Variants in ZNF583 observed in about 807,000 individuals in gnomAD.
The protein encoded by ZNF583 is zinc finger protein 583.
A neutral mutation model predicts 55.3 loss-of-function variants in ZNF583; 30 were observed. The observed-to-expected ratio is 0.54, with a 90% CI of 0.41 to 0.74. The LOEUF (loss-of-function observed/expected upper bound fraction) is 0.74. Among genes scored for constraint, ZNF583 ranks in the 30% least tolerant of loss-of-function variants. The pLI is 0.00. For synonymous variants in ZNF583, 208 were observed against 220.0 expected (o/e 0.95, Z 0.48); for missense variants, 504 against 664.7 (o/e 0.76, Z 2.66).
chr19:56,409,928 A>T (rs1354781515), intron 2 of ZNF583, among the ~76,000 whole-genome samples: 6 of 150,992 alleles, frequency 4.0e-5, no homozygotes, highest in African/African-American at 1.5e-4. Flanking sequence ...CATAATTTTT[A>T]TTGTTCTTTT....
intron 4 of ZNF583, among the ~76,000 whole-genome samples, chr19:56,420,967 T>G (rs542063038): frequency 6.6e-6 from 1 of 152,192 alleles, no homozygotes; most frequent in African/African-American, 2.4e-5. Flanking sequence ...CTCTATCTTC[T>G]TTTGGGATGT....
At chr19:56,420,138 A>G (rs1461168685) in intron 4 of ZNF583, among the ~76,000 whole-genome samples, 1 of 152,142 alleles carries the variant, frequency 6.6e-6, no homozygotes, top group Non-Finnish European at 1.5e-5. Context: ...TTGTACTGTC[A>G]TTATCAACCA....
intron 1 of ZNF583, 59 bp from the exon 2 acceptor site, chr19:56,406,967 G>A: frequency 1.3e-6 from 1 of 757,880 alleles, no homozygotes; most frequent in Non-Finnish European, 2.1e-6. Context: ...TTTCTAGGCT[G>A]ATGATACTGA....
At chr19:56,411,347 T>C (rs1600358016) in intron 2 of ZNF583, among the ~76,000 whole-genome samples, 1 of 152,220 alleles carries the variant, frequency 6.6e-6, no homozygotes, top group Middle Eastern at 3.4e-3. Flanking sequence ...GTAGAAATAC[T>C]GGAAAGTATA....
chr19:56,423,569 C>A lies in ZNF583; in HGVS notation c.911C>A (p.Ala304Asp). ...TATCAGTGTAAAGAATGTAAAAAAG[C>A]CTTCAGCCAGATTGCACACCTGACT... The part of the protein sequence containing the change: ...KPYQCKECKK[A>D]FSQIAHLTQH... The change falls in exon 5 of 5, where the codon GCC becomes GAC. Residue 304 changes from alanine (A) to aspartate (D), a missense_variant. By Grantham distance (126) the Ala-to-Asp change is moderately radical. Transcript: ENST00000333201. 6.2e-7 allele frequency: 1 copy of A among 1,613,516 alleles called. No homozygotes were observed. Among genetic ancestry groups the A allele is most frequent in the Non-Finnish European group, 8.5e-7 (1 of 1,179,908 alleles).
chr19:56,416,320 G>C (rs138449470), intron 4 of ZNF583, among the ~76,000 whole-genome samples: 1 of 128,418 alleles, frequency 7.8e-6, no homozygotes, highest in Non-Finnish European at 1.6e-5. Flanking sequence ...GTGAGACTCC[G>C]TCTCAAAAAA....
chr19:56,424,352 T>C lies in ZNF583; in HGVS notation c.1694T>C (p.Val565Ala). 1.4e-6 allele frequency: 2 copies of C among 1,457,794 alleles called. No homozygotes were observed. The highest frequency in any genetic ancestry group is 1.1e-5 in the South Asian group (1 of 87,276). The allele number at this position is 1,457,794 out of a possible 1,614,324, so 90.3% of individuals were successfully genotyped here. The part of the protein sequence containing the change: ...PSTSNQLPRP[V>A]GFIS ...ACATCAAATCAGTTGCCAAGACCTG[T>C]AGGTTTCATCTCCTGAATATTTCTG... The change falls in exon 5 of 5, where the codon GTA becomes GCA. Residue 565 changes from valine to alanine, a missense_variant. Around this residue, in one of 3 missense-constraint regions of ZNF583, gnomAD observed 63 missense variants for 56.5 expected, o/e 1.11. Coordinates refer to ENST00000333201, the MANE Select transcript of ZNF583 (RefSeq NM_152478.3).
Position 56,404,392 on chromosome 19 carries a change from T to TCC in ZNF583, c.-150_-149insCC, listed in dbSNP as rs2042111871. 6.6e-6 allele frequency: 1 copy of TCC among 152,322 alleles called. No individual in the cohort carries two copies. The highest frequency in any genetic ancestry group is 2.4e-5 in the African/African-American group (1 of 41,376). 9.4% of individuals were successfully genotyped at this position (152,322 alleles called of 1,614,324 possible). A position where few individuals can be genotyped will look rare whatever the true frequency, so the allele number is the denominator to read the frequency against. On this transcript the variant is annotated 5_prime_UTR_variant, in exon 1 of 5. Coordinates refer to ENST00000333201, the MANE Select transcript of ZNF583 (RefSeq NM_152478.3). This position sits in a 1 kb window ranked among gnomAD's most constrained non-coding sequence, Gnocchi z 5.2. ...CAGGATCGAGCCCTGGCCCGGGCCC[T>TCC]GGCCCAGCCCCGGCCTCCAAGGACC...
At chr19:56,412,080 C>G (rs1317386845) in intron 2 of ZNF583, among the ~76,000 whole-genome samples, 1 of 152,188 alleles carries the variant, frequency 6.6e-6, no homozygotes, top group African/African-American at 2.4e-5. Flanking sequence ...CCATGCTGGG[C>G]ATTAATCTTC....
At position 56,414,332 on chromosome 19, in the gene ZNF583, T is replaced by C; in HGVS notation, c.137-13T>C. 1.2e-6 allele frequency: 2 copies of C among 1,614,048 alleles called. No individual in the cohort carries two copies. The highest frequency in any genetic ancestry group is 2.2e-5 in the South Asian group (2 of 91,086). On this transcript the variant is annotated splice_polypyrimidine_tract_variant and intron_variant, in intron 3 of 4. Transcript: ENST00000333201. ...TAGACCTGCCTAATTCCCCTTTTGT[T>C]TTTTGTAAGCAGGAGTTTCTGTTTC...
rs2042440908 is a variant in ZNF583 at position 56,423,012 on chromosome 19, G to T, written c.354G>T (p.Leu118Phe). 3 of 1,613,974 alleles carry T rather than the reference G, an allele frequency of 1.9e-6. No individual in the cohort carries two copies. The highest frequency in any genetic ancestry group is 1.7e-4 in the Middle Eastern group (1 of 6,060). ...GTTATAGCCTTGACTATCCCAGTTTGAGAGAAGACTGTCAAAGTGAGGACT... is the reference window on the plus strand; with the variant it reads ...GTTATAGCCTTGACTATCCCAGTTTTAGAGAAGACTGTCAAAGTGAGGACT... ...HLSYSLDYPS[L>F]REDCQSEDWY... The change falls in exon 5 of 5, where the codon TTG becomes TTT. Residue 118 changes from leucine to phenylalanine, a missense_variant. Physicochemically the swap from Leu to Phe is conservative, Grantham distance 22 (BLOSUM62 0). Coordinates refer to ENST00000333201, the MANE Select transcript of ZNF583 (RefSeq NM_152478.3).
chr19:56,413,811 A>C lies in ZNF583; in HGVS notation c.10-148A>C, dbSNP rs2042274298. On this transcript the variant is annotated intron_variant, in intron 2 of 4. Transcript: ENST00000333201. ...AGAAGTCATTTAGCAATTACCTGACATGTGTTGCTCAGAACCTAAGATACT... is the reference window on the plus strand; with the variant it reads ...AGAAGTCATTTAGCAATTACCTGACCTGTGTTGCTCAGAACCTAAGATACT... 8.3e-6 allele frequency: 8 copies of C among 962,132 alleles called. No homozygotes were observed. In the South Asian group the frequency reaches 1.3e-4, roughly 16 times the overall value. The allele number at this position is 962,132 out of a possible 1,614,324, so 59.6% of individuals were successfully genotyped here.
At chr19:56,420,699 C>T (rs1219339546) in intron 4 of ZNF583, among the ~76,000 whole-genome samples, 1 of 152,024 alleles carries the variant, frequency 6.6e-6, no homozygotes, top group Non-Finnish European at 1.5e-5. Flanking sequence ...TTTTATCTGA[C>T]GTGAATATAG....
rs1308910555 is a variant in ZNF583 at position 56,426,711 on chromosome 19, T to C, written c.*2343T>C. Reference sequence around the variant, plus strand: ...AATACAGTTTAGGCCAATGAAATACTATTTTTTTCAATATCAGATTAATAA... The same window carrying C: ...AATACAGTTTAGGCCAATGAAATACCATTTTTTTCAATATCAGATTAATAA... On this transcript the variant is annotated 3_prime_UTR_variant, in exon 5 of 5. Coordinates refer to ENST00000333201, the MANE Select transcript of ZNF583 (RefSeq NM_152478.3). The C allele has an allele frequency of 2.6e-5, 4 of 152,136 alleles. No individual in the cohort carries two copies. Among genetic ancestry groups the C allele is most frequent in the African/African-American group, 9.7e-5 (4 of 41,440 alleles). The allele number at this position is 152,136 out of a possible 1,614,324, so 9.4% of individuals were successfully genotyped here.
Position 56,425,582 on chromosome 19 carries a change from A to C in ZNF583, c.*1214A>C, listed in dbSNP as rs1234756093. 2 of 152,254 alleles carry C rather than the reference A, an allele frequency of 1.3e-5. No homozygotes were observed. The highest frequency in any genetic ancestry group is 4.8e-5 in the African/African-American group (2 of 41,464). The allele number at this position is 152,254 out of a possible 1,614,324, so 9.4% of individuals were successfully genotyped here. On this transcript the variant is annotated 3_prime_UTR_variant, in exon 5 of 5. Transcript: ENST00000333201. ...TTACATGTAAACAAAGGCAAAATCG[A>C]AATTAAAAAGAAATCTTGAAACAAG...
rs774186444 is a variant in ZNF583, at chr19:56,424,390, T to G, written c.*22T>G. The G allele has an allele frequency of 5.0e-6, 5 of 1,004,930 alleles. No individual in the cohort carries two copies. In the East Asian group the frequency reaches 1.3e-4, roughly 26 times the overall value. The allele number at this position is 1,004,930 out of a possible 1,614,324, so 62.3% of individuals were successfully genotyped here. On this transcript the variant is annotated 3_prime_UTR_variant, in exon 5 of 5. Coordinates refer to ENST00000333201, the MANE Select transcript of ZNF583 (RefSeq NM_152478.3). Reference sequence around the variant, plus strand: ...CTGAATATTTCTGGAATCCACCTCTTGAATCCATTTCCATCCCATCATCCT... The same window carrying G: ...CTGAATATTTCTGGAATCCACCTCTGGAATCCATTTCCATCCCATCATCCT...
At chr19:56,421,785 A>AT (rs146311863) in intron 4 of ZNF583, among the ~76,000 whole-genome samples, 1,581 of 152,304 alleles carry the variant, frequency 0.01, 30 homozygotes, top group African/African-American at 0.036. Context: ...CTGCACATGA[A>AT]TGTTTACATT....
chr19:56,422,939 C>T lies in ZNF583; in HGVS notation c.281C>T (p.Thr94Ile), dbSNP rs1471018705. 30 of 1,612,712 alleles carry T rather than the reference C, an allele frequency of 1.9e-5. No individual in the cohort carries two copies. Among genetic ancestry groups the T allele is most frequent in the Non-Finnish European group, 2.4e-5 (28 of 1,179,560 alleles). ...KNSEFSSKQE[T>I]YEESSKVVTV... is the part of the protein sequence containing the mutation. ...AGTGAATTTTCATCAAAGCAAGAGA[C>T]ATATGAAGAATCATCCAAAGTTGTG... Residue 94 changes from threonine (T) to isoleucine (I), a missense_variant, in exon 5 of 5, where the codon ACA becomes ATA. By Grantham distance (89) the Thr-to-Ile change is moderately conservative. Transcript: ENST00000333201.
rs1329513838 is a variant in ZNF583 at position 56,414,437 on chromosome 19, C to G, written c.229C>G (p.Pro77Ala). The change falls in exon 4 of 5, where the codon CCT becomes GCT. Residue 77 changes from proline (P) to alanine (A), a missense_variant. By Grantham distance (27) the Pro-to-Ala change is conservative. Coordinates refer to ENST00000333201, the MANE Select transcript of ZNF583 (RefSeq NM_152478.3). ...VKKEGTRGPC[P>A]DWEYVFKNSE... ...GAAGGAGGGAACAAGAGGCCCATGC[C>G]CTGGTGAGTGAGAGAGAAATAGGGA... is the stretch of plus-strand genomic sequence containing the variant. 1 of 1,613,328 alleles carries G rather than the reference C, an allele frequency of 6.2e-7. No homozygotes were observed. Among genetic ancestry groups the G allele is most frequent in the East Asian group, 2.2e-5 (1 of 44,878 alleles).
Sources: allele counts gnomAD v4.1 joint callset (sites outside exome capture counted in the v4.1 genomes callset), GRCh38; gene constraint gnomAD v4.1.1; regional missense constraint gnomAD v4.1.1; non-coding constraint Gnocchi (gnomAD v3.1); transcripts MANE v1.5; gene names NCBI Gene and HGNC (gene_info 2026-07-23, HGNC 2026-07-21).